The following PRR5L variants were observed in gnomAD, a reference collection of about 807,000 sequenced individuals.
The protein encoded by PRR5L is proline rich 5 like.
A neutral mutation model predicts 36.4 loss-of-function variants in PRR5L; 21 were observed. The ratio of observed to expected loss-of-function variants is 0.58; its 90% CI spans 0.41 to 0.83. The LOEUF is 0.83. PRR5L is among the 40% of genes least tolerant of loss of function. PRR5L has a pLI of 0.00. For synonymous variants in PRR5L, 188 were observed against 197.0 expected (o/e 0.95, Z 0.38); for missense variants, 381 against 473.3 (o/e 0.80, Z 1.81).
chr11:36,364,384 T>C (rs1410068893), intron 1 of PRR5L, among the ~76,000 whole-genome samples: 1 of 152,198 alleles, frequency 6.6e-6, no homozygotes, highest in Non-Finnish European at 1.5e-5. Context: ...AGAGGTTAAA[T>C]GCAGAGATTT....
intron 1 of PRR5L, among the ~76,000 whole-genome samples, chr11:36,370,322 G>A (rs900465009): frequency 1.3e-5 from 2 of 152,090 alleles, no homozygotes; most frequent in Non-Finnish European, 1.5e-5. Flanking sequence ...GATCATCCTT[G>A]ATGACCCTAT....
intron 1 of PRR5L, among the ~76,000 whole-genome samples, chr11:36,322,092 G>A (rs890787657): frequency 6.6e-6 from 1 of 152,110 alleles, no homozygotes; most frequent in East Asian, 1.9e-4. Context: ...CCAGCCCTCA[G>A]GTCTACTCCT....
At chr11:36,330,816 GT>G (rs1001180319) in intron 1 of PRR5L, among the ~76,000 whole-genome samples, 37 of 152,214 alleles carry the variant, frequency 2.4e-4, no homozygotes, top group Admixed American at 6.5e-4. Flanking sequence ...TTGTTTGTTT[GT>G]TTTTTTGAGA....
At chr11:36,347,000 A>C (rs1032800550) in intron 1 of PRR5L, among the ~76,000 whole-genome samples, 2 of 152,224 alleles carry the variant, frequency 1.3e-5, no homozygotes, top group African/African-American at 4.8e-5. Flanking sequence ...CAAGCAGTGG[A>C]TCAGATTTTG....
At chr11:36,337,392 A>C (rs1257405938) in intron 1 of PRR5L, among the ~76,000 whole-genome samples, 1 of 151,044 alleles carries the variant, frequency 6.6e-6, no homozygotes, top group Non-Finnish European at 1.5e-5. Context: ...AGACTTCACC[A>C]TCTAGCCCTC....
At chr11:36,312,603 A>G (rs953160773) in intron 1 of PRR5L, among the ~76,000 whole-genome samples, 9 of 152,220 alleles carry the variant, frequency 5.9e-5, no homozygotes, top group African/African-American at 2.2e-4. Flanking sequence ...GAATAAACCA[A>G]TGTTCAAGTC....
chr11:36,446,533 C>A, intron 7 of PRR5L, 93 bp downstream of exon 7: 1 of 1,483,204 alleles, frequency 6.7e-7, no homozygotes, highest in Non-Finnish European at 9.2e-7. Context: ...ACCTAGTGAC[C>A]AGAGCACCTT....
chr11:36,299,671 A>T (rs188332123), intron 1 of PRR5L, among the ~76,000 whole-genome samples: 20 of 152,314 alleles, frequency 1.3e-4, no homozygotes, highest in Non-Finnish European at 1.5e-5. Flanking sequence ...TGGAAGAGGA[A>T]TCTGGAGCTC....
intron 4 of PRR5L, among the ~76,000 whole-genome samples, chr11:36,426,407 A>C (rs375734747): frequency 6.6e-6 from 1 of 152,210 alleles, no homozygotes; most frequent in African/African-American, 2.4e-5. Context: ...CTTAATAGTA[A>C]TCCAGGTGGA....
At chr11:36,401,406 A>C (rs947287851) in intron 2 of PRR5L, 121 bp downstream of exon 2, 2 of 956,454 alleles carry the variant, frequency 2.1e-6, no homozygotes, top group East Asian at 2.6e-5. Context: ...GGGGGTAAAT[A>C]ATGACGAGAG....
chr11:36,437,443 C>T lies in PRR5L; in HGVS notation c.411C>T (p.Leu137=). Residue 137 remains leucine, a synonymous_variant, in exon 6 of 9, where the codon CTC becomes CTT. Coordinates refer to ENST00000530639, the MANE Select transcript of PRR5L (RefSeq NM_001160167.2). ...EVWDHFFTET[L]PTLQAIFYPV... ...GGGACCACTTCTTCACTGAGACTCT[C>T]CCTACCCTGCAGGCAATATTTTATC... is the stretch of plus-strand genomic sequence containing the variant. 6.2e-7 allele frequency: 1 copy of T among 1,611,672 alleles called. No individual in the cohort carries two copies.
intron 1 of PRR5L, among the ~76,000 whole-genome samples, chr11:36,328,744 G>A (rs899735350): frequency 1.3e-5 from 2 of 152,302 alleles, no homozygotes; most frequent in East Asian, 3.9e-4. Context: ...CCCACAGAGG[G>A]CATTAATGGC....
rs1158192645 is a variant in PRR5L at position 36,370,672 on chromosome 11, G to T, written c.-125-30325G>T. 5.3e-5 allele frequency among the ~76,000 whole-genome samples: 8 copies of T among 152,138 alleles called. 1 individual carries two copies. Among genetic ancestry groups the T allele is most frequent in the Admixed American group, 1.3e-4 (2 of 15,268 alleles). Reference sequence around the variant, plus strand: ...CAACGCGGGCAAATCACAAGGTCAGGAGTTTGAGACCAGCCTGGCCAACCT... The same window carrying T: ...CAACGCGGGCAAATCACAAGGTCAGTAGTTTGAGACCAGCCTGGCCAACCT... On this transcript the variant is annotated intron_variant, in intron 1 of 8. Transcript: ENST00000530639.
intron 1 of PRR5L, among the ~76,000 whole-genome samples, chr11:36,319,148 G>A (rs901673191): frequency 4.6e-5 from 7 of 152,170 alleles, no homozygotes; most frequent in Admixed American, 6.5e-5. Flanking sequence ...GCAGTTAATC[G>A]TGATTGGCTT....
rs113888221 is a variant in PRR5L, at chr11:36,307,851, G to A, written c.-126+11413G>A. Among the ~76,000 whole-genome samples the A allele has an allele frequency of 9.4e-3, 1,433 of 152,274 alleles. 21 individuals carry two copies. The highest frequency in any genetic ancestry group is 0.033 in the African/African-American group (1,371 of 41,524). ...TACTCCCCACATTTCCCTTTGCTAC[G>A]TCCAGGGGAAGAAGAGAGGGACAGT... On this transcript the variant is annotated intron_variant, in intron 1 of 8. Transcript: ENST00000530639.
At chr11:36,376,760 C>T in intron 1 of PRR5L, 7 of 974,634 alleles carry the variant, frequency 7.2e-6, no homozygotes, top group Non-Finnish European at 8.5e-6. Flanking sequence ...GGCTCAGCAA[C>T]CGCGCAGGAT....
chr11:36,365,206 G>A (rs1857131817), intron 1 of PRR5L, among the ~76,000 whole-genome samples: 2 of 152,068 alleles, frequency 1.3e-5, no homozygotes, highest in South Asian at 2.1e-4. Flanking sequence ...GGGAATGATC[G>A]TTCAAGTTTA....
intron 1 of PRR5L, among the ~76,000 whole-genome samples, chr11:36,339,592 C>A (rs1856799640): frequency 6.6e-6 from 1 of 152,140 alleles, no homozygotes; most frequent in Admixed American, 6.5e-5. Flanking sequence ...AGGAGGTACA[C>A]ACCATTAATT....
At chr11:36,297,721 C>T (rs1856327724) in intron 1 of PRR5L, among the ~76,000 whole-genome samples, 2 of 152,186 alleles carry the variant, frequency 1.3e-5, no homozygotes, top group Non-Finnish European at 2.9e-5. Context: ...TTGGGATGTC[C>T]AGTCCCAGGG....
Sources: allele counts gnomAD v4.1 joint callset (sites outside exome capture counted in the v4.1 genomes callset), GRCh38; gene constraint gnomAD v4.1.1; transcripts MANE v1.5; gene names NCBI Gene and HGNC (gene_info 2026-07-23, HGNC 2026-07-21).